Variants in AKR1E2 observed in about 807,000 individuals in gnomAD.
AKR1E2 encodes the protein aldo-keto reductase family 1 member E2.
AKR1E2 carries 43 observed loss-of-function variants against 41.9 expected under a neutral mutation model. The ratio of observed to expected loss-of-function variants is 1.03; its 90% CI spans 0.80 to 1.32. AKR1E2 has a LOEUF of 1.32. Ranked by LOEUF, AKR1E2 falls within the 40% of genes most tolerant of loss-of-function variation. The probability of loss-of-function intolerance (pLI) is 0.00; values close to 1 mark genes in which losing one functional copy is unlikely to be tolerated. For synonymous variants in AKR1E2, 121 were observed against 138.9 expected (o/e 0.87, Z 0.91); for missense variants, 423 against 396.5 (o/e 1.07, Z -0.57).
the AKR1E2 span, among the ~76,000 whole-genome samples, chr10:4,859,357 C>T: frequency 2.6e-5 from 4 of 152,272 alleles, no homozygotes; most frequent in East Asian, 5.8e-4. Context: ...GCTACGACTA[C>T]ATTCGGTACC....
Position 4,826,222 on chromosome 10 carries a change from C to T in AKR1E2, c.-103C>T. On this transcript the variant is annotated 5_prime_UTR_variant, in exon 1 of 10. Coordinates refer to ENST00000298375, the MANE Select transcript of AKR1E2 (RefSeq NM_001040177.3). Reference sequence around the variant, plus strand: ...AGTGTCAGCCGTCACAAGGCACTTCCAGCCAGTCGCAACGGCGGGTCGCCA... The same window carrying T: ...AGTGTCAGCCGTCACAAGGCACTTCTAGCCAGTCGCAACGGCGGGTCGCCA... 1 of 944,760 alleles carries T rather than the reference C, an allele frequency of 1.1e-6. No individual in the cohort carries two copies. The highest frequency in any genetic ancestry group is 1.4e-6 in the Non-Finnish European group (1 of 724,740). The allele number at this position is 944,760 out of a possible 1,614,324, so 58.5% of individuals were successfully genotyped here.
At chr10:4,835,567 G>A in intron 3 of AKR1E2, 108 bp from the exon 4 acceptor site, 1 of 1,385,538 alleles carries the variant, frequency 7.2e-7, no homozygotes, top group Non-Finnish European at 9.6e-7. Context: ...GGCCAGGCTG[G>A]GGTTGCTTAG....
chr10:4,846,649 G>A (rs369916443), intron 8 of AKR1E2, among the ~76,000 whole-genome samples: 4 of 151,700 alleles, frequency 2.6e-5, no homozygotes, highest in East Asian at 1.9e-4. Flanking sequence ...GGGTTCAAGC[G>A]GTTCTCCTGC....
chr10:4,844,342 AG>A (rs1224420035), intron 8 of AKR1E2, among the ~76,000 whole-genome samples: 5 of 152,060 alleles, frequency 3.3e-5, no homozygotes, highest in African/African-American at 7.2e-5. Context: ...CTTTGCGGTG[AG>A]TGTTACAGCT....
chr10:4,868,215 G>C, the AKR1E2 span, among the ~76,000 whole-genome samples: 1 of 152,156 alleles, frequency 6.6e-6, no homozygotes. Context: ...CCCACAGAGA[G>C]AAGTTCTTCC....
chr10:4,834,368 GT>G (rs1833226723), intron 3 of AKR1E2, among the ~76,000 whole-genome samples: 1 of 152,228 alleles, frequency 6.6e-6, no homozygotes, highest in Non-Finnish European at 1.5e-5. Context: ...CATAAACGAT[GT>G]GGGCAGCTGT....
intron 3 of AKR1E2, 53 bp from the exon 4 acceptor site, chr10:4,835,622 T>TTTTG (rs1833341407): frequency 2.4e-5 from 37 of 1,553,802 alleles, no homozygotes; most frequent in South Asian, 9.5e-5. Context: ...CACATGGTTT[T>TTTTG]TTTTGTTTTG....
rs59470948 is a variant in AKR1E2, at chr10:4,847,069, C to T, written c.838-79C>T. 2,374 of 1,506,126 alleles carry T rather than the reference C, an allele frequency of 1.6e-3. 38 individuals carry two copies. In the African/African-American group the frequency reaches 0.029, roughly 18 times the overall value. The allele number at this position is 1,506,126 out of a possible 1,614,324, so 93.3% of individuals were successfully genotyped here. A position where few individuals can be genotyped will look rare whatever the true frequency, so the allele number is the denominator to read the frequency against. ...CTTTGTGTCCCTTGCAGGTCTAGCA[C>T]TGTGCTATGTAGGTAACATGTGCTC... On this transcript the variant is annotated intron_variant, in intron 8 of 9. Coordinates refer to ENST00000298375, the MANE Select transcript of AKR1E2 (RefSeq NM_001040177.3).
At chr10:4,870,543 A>G in the AKR1E2 span, among the ~76,000 whole-genome samples, 1 of 151,842 alleles carries the variant, frequency 6.6e-6, no homozygotes, top group African/African-American at 2.4e-5. Flanking sequence ...ATTTTGAAAG[A>G]TATTTTTGCT....
intron 5 of AKR1E2, among the ~76,000 whole-genome samples, chr10:4,839,514 A>C (rs1381398392): frequency 6.6e-6 from 1 of 152,230 alleles, no homozygotes; most frequent in African/African-American, 2.4e-5. Flanking sequence ...CAGATGATGT[A>C]GGTGTCCCCA....
the AKR1E2 span, among the ~76,000 whole-genome samples, chr10:4,856,493 T>G: frequency 2.9e-4 from 44 of 152,212 alleles, no homozygotes; most frequent in Non-Finnish European, 4.3e-4. Context: ...TTGGATACAT[T>G]TATCTATAAG....
intron 5 of AKR1E2, 78 bp downstream of exon 5, chr10:4,837,659 A>T: frequency 6.4e-7 from 1 of 1,558,354 alleles, no homozygotes; most frequent in Non-Finnish European, 8.7e-7. Flanking sequence ...GCTCTTCTGG[A>T]AATGGAAGAA....
rs747526297 is a variant in AKR1E2, at chr10:4,837,440, C to G, written c.460-19C>G. The G allele has an allele frequency of 6.2e-7, 1 of 1,613,076 alleles. No homozygotes were observed. Among genetic ancestry groups the G allele is most frequent in the Non-Finnish European group, 8.5e-7 (1 of 1,179,248 alleles). On this transcript the variant is annotated intron_variant, in intron 4 of 9. Coordinates refer to ENST00000298375, the MANE Select transcript of AKR1E2 (RefSeq NM_001040177.3). ...CAGTAGACAGAAGCTTCACACCCAG[C>G]AGAGTCGTTCTCTTATAGGCCATGG... is the stretch of plus-strand genomic sequence containing the variant.
Position 4,847,613 on chromosome 10 carries a change from G to A in AKR1E2, c.*83G>A, listed in dbSNP as rs998174854. On this transcript the variant is annotated 3_prime_UTR_variant, in exon 10 of 10. Coordinates refer to ENST00000298375, the MANE Select transcript of AKR1E2 (RefSeq NM_001040177.3). ...GTTGACCCTCCTCTGTCATCACAGC[G>A]CCAGGGCAGCTGTGCCTGGGACAGG... 1.1e-5 allele frequency: 16 copies of A among 1,501,316 alleles called. No individual in the cohort carries two copies. The highest frequency in any genetic ancestry group is 1.7e-4 in the Middle Eastern group (1 of 5,832). The allele number at this position is 1,501,316 out of a possible 1,614,324, so 93.0% of individuals were successfully genotyped here. A position where few individuals can be genotyped will look rare whatever the true frequency, so the allele number is the denominator to read the frequency against.
intron 5 of AKR1E2, among the ~76,000 whole-genome samples, 188 bp from the exon 6 acceptor site, chr10:4,839,541 G>A (rs1158253157): frequency 5.9e-5 from 9 of 152,190 alleles, no homozygotes; most frequent in Admixed American, 5.9e-4. Context: ...TGGACTCAGA[G>A]ACCATGACAC....
intron 1 of AKR1E2, among the ~76,000 whole-genome samples, chr10:4,830,139 C>T (rs1369981075): frequency 1.3e-5 from 2 of 152,224 alleles, no homozygotes; most frequent in Non-Finnish European, 2.9e-5. Flanking sequence ...CGCCCACCCC[C>T]ATAGTCTTCC....
chr10:4,836,902 CAG>C (rs1833472249), intron 4 of AKR1E2, among the ~76,000 whole-genome samples: 1 of 152,156 alleles, frequency 6.6e-6, no homozygotes, highest in African/African-American at 2.4e-5. Flanking sequence ...TCCTGAAGCT[CAG>C]GGGCAGCCTG....
intron 1 of AKR1E2, 132 bp from the exon 2 acceptor site, chr10:4,830,543 C>A: frequency 1.1e-6 from 1 of 925,866 alleles, no homozygotes; most frequent in Non-Finnish European, 1.6e-6. Flanking sequence ...TGTTTTTAGA[C>A]TGATTATACT....
At chr10:4,835,532 AG>A (rs1833330065) in intron 3 of AKR1E2, 142 bp from the exon 4 acceptor site, 4 of 1,016,318 alleles carry the variant, frequency 3.9e-6, no homozygotes, top group Non-Finnish European at 5.5e-6. Flanking sequence ...TTTCTTAGAA[AG>A]GTGAAGACTG....
Sources: gnomAD v4.1 joint callset for allele counts (sites outside exome capture counted in the v4.1 genomes callset) on GRCh38, gnomAD v4.1.1 for gene constraint, MANE v1.5 for transcripts, NCBI Gene and HGNC (gene_info 2026-07-23, HGNC 2026-07-21) for gene names.